PXDNL: variants seen among roughly 807,000 people sequenced by gnomAD.
PXDNL encodes probable oxidoreductase PXDNL.
Under a neutral mutation model 150.8 loss-of-function variants are expected in PXDNL, and 145 were observed. That is an observed-to-expected ratio of 0.96 (90% CI 0.84 to 1.10). The LOEUF is 1.10. Among genes scored for constraint, PXDNL ranks in the 50% least tolerant of loss-of-function variants. The pLI is 0.00. For missense variants in PXDNL, 2,087 were observed against 1,873.9 expected (o/e 1.11, Z -2.10); for synonymous variants, 757 against 725.7 (o/e 1.04, Z -0.69).
At position 51,594,687 on chromosome 8, in the gene PXDNL, C is replaced by T. The variant is rs79617346; in HGVS notation, c.237-1989G>A. On this transcript the variant is annotated intron_variant, in intron 2 of 22. Coordinates refer to ENST00000356297, the MANE Select transcript of PXDNL (RefSeq NM_144651.5). ...AATGGTTCACAGTTGAATGTATTTT[C>T]CAATCACAAGTACATATTTCTTGTC... is the stretch of plus-strand genomic sequence containing the variant. Among the ~76,000 whole-genome samples, 387 of 152,170 alleles carry T rather than the reference C, an allele frequency of 2.5e-3. 15 individuals are homozygous for T. In the East Asian group the frequency reaches 0.071, roughly 28 times the overall value.
chr8:51,456,837 G>A (rs1809947823), intron 9 of PXDNL, among the ~76,000 whole-genome samples: 1 of 152,132 alleles, frequency 6.6e-6, no homozygotes, highest in South Asian at 2.1e-4. Flanking sequence ...CTGCTCCTCA[G>A]AGCCAATTTA....
chr8:51,649,376 T>A (rs1814988508), intron 2 of PXDNL, among the ~76,000 whole-genome samples: 2 of 152,210 alleles, frequency 1.3e-5, no homozygotes, highest in African/African-American at 2.4e-5. Flanking sequence ...CTGTGTTTTT[T>A]AACCTGTAAT....
At chr8:51,379,628 TTA>T (rs1807469855) in intron 17 of PXDNL, among the ~76,000 whole-genome samples, 1 of 152,198 alleles carries the variant, frequency 6.6e-6, no homozygotes, top group African/African-American at 2.4e-5. Flanking sequence ...ATCATTCTCA[TTA>T]TGTTAGATTC....
At chr8:51,727,554 G>A (rs941140038) in intron 1 of PXDNL, among the ~76,000 whole-genome samples, 5 of 152,132 alleles carry the variant, frequency 3.3e-5, no homozygotes, top group African/African-American at 1.2e-4. Flanking sequence ...AAGCAAATAA[G>A]AGGAGACCCT....
chr8:51,591,915 G>A (rs908515705), intron 3 of PXDNL, among the ~76,000 whole-genome samples: 4 of 152,116 alleles, frequency 2.6e-5, no homozygotes, highest in Admixed American at 6.5e-5. Context: ...CACCGTGCCC[G>A]GCCCATTATT....
At chr8:51,357,768 T>C (rs1347200168) in intron 19 of PXDNL, among the ~76,000 whole-genome samples, 2 of 152,212 alleles carry the variant, frequency 1.3e-5, no homozygotes, top group East Asian at 1.9e-4. Flanking sequence ...TTTTTCCTAA[T>C]GGAGGGCTTG....
intron 4 of PXDNL, among the ~76,000 whole-genome samples, chr8:51,502,032 A>C (rs17266536): frequency 2.7e-3 from 415 of 152,356 alleles, no homozygotes; most frequent in Non-Finnish European, 4.2e-3. Context: ...GAAGACTAGG[A>C]ATAAGTGCTG....
intron 6 of PXDNL, among the ~76,000 whole-genome samples, chr8:51,480,969 T>G (rs1810590625): frequency 6.6e-6 from 1 of 152,154 alleles, no homozygotes; most frequent in African/African-American, 2.4e-5. Flanking sequence ...AAATTGGTAC[T>G]GGGAGTGGGG....
chr8:51,711,427 C>T (rs1264312375), intron 1 of PXDNL, among the ~76,000 whole-genome samples: 3 of 152,118 alleles, frequency 2.0e-5, no homozygotes, highest in East Asian at 1.9e-4. Context: ...CATGAGCCAC[C>T]GGACCCAGCC....
At chr8:51,745,207 G>A (rs1036669380) in intron 1 of PXDNL, among the ~76,000 whole-genome samples, 5 of 151,830 alleles carry the variant, frequency 3.3e-5, no homozygotes, top group South Asian at 2.1e-4. Context: ...ATATAAAACC[G>A]GCTCTAGATA....
intron 8 of PXDNL, among the ~76,000 whole-genome samples, chr8:51,467,872 G>A: frequency 6.6e-6 from 1 of 151,904 alleles, no homozygotes; most frequent in East Asian, 1.9e-4. Flanking sequence ...CTTCAGCCTG[G>A]CAGGTTTCTC....
At chr8:51,365,525 G>A (rs1215076600) in intron 19 of PXDNL, among the ~76,000 whole-genome samples, 1 of 152,196 alleles carries the variant, frequency 6.6e-6, no homozygotes, top group Non-Finnish European at 1.5e-5. Context: ...CATACTCCAA[G>A]CTCTTGGTAT....
chr8:51,567,955 AT>A (rs1311265760), intron 3 of PXDNL, among the ~76,000 whole-genome samples: 1 of 151,820 alleles, frequency 6.6e-6, no homozygotes, highest in Non-Finnish European at 1.5e-5. Flanking sequence ...TACGGATGCA[AT>A]TTTTTCCCAA....
At chr8:51,511,506 G>A (rs1041619460) in intron 4 of PXDNL, among the ~76,000 whole-genome samples, 4 of 152,288 alleles carry the variant, frequency 2.6e-5, no homozygotes, top group Admixed American at 6.5e-5. Context: ...AGGTCAGCAC[G>A]GGGACTCTTA....
chr8:51,612,529 C>A (rs1814033710), intron 2 of PXDNL, among the ~76,000 whole-genome samples: 1 of 152,148 alleles, frequency 6.6e-6, no homozygotes, highest in African/African-American at 2.4e-5. Context: ...CCCCCACTGC[C>A]CCCAAATACC....
At chr8:51,799,821 G>A (rs2037600310) in intron 1 of PXDNL, among the ~76,000 whole-genome samples, 2 of 152,178 alleles carry the variant, frequency 1.3e-5, no homozygotes, top group Admixed American at 6.5e-5. Context: ...GCCAACTAGA[G>A]AGATGGAGAT....
chr8:51,760,257 T>G (rs901354965), intron 1 of PXDNL, among the ~76,000 whole-genome samples: 1 of 152,134 alleles, frequency 6.6e-6, no homozygotes, highest in Non-Finnish European at 1.5e-5. Context: ...TAACTCCACA[T>G]TCTAGCTGGT....
intron 3 of PXDNL, among the ~76,000 whole-genome samples, chr8:51,562,111 TTA>T (rs1489438612): frequency 6.6e-6 from 1 of 151,590 alleles, no homozygotes; most frequent in East Asian, 1.9e-4. Flanking sequence ...TTTATTTTTA[TTA>T]TATGAGTAAG....
At chr8:51,494,823 T>G (rs1328332538) in intron 5 of PXDNL, among the ~76,000 whole-genome samples, 1 of 151,498 alleles carries the variant, frequency 6.6e-6, no homozygotes, top group East Asian at 1.9e-4. Flanking sequence ...TCCCACACAA[T>G]AATAATGGGA....
Sources: gnomAD v4.1 joint callset for allele counts (sites outside exome capture counted in the v4.1 genomes callset) on GRCh38, gnomAD v4.1.1 for gene constraint, MANE v1.5 for transcripts, NCBI Gene and HGNC (gene_info 2026-07-23, HGNC 2026-07-21) for gene names.